PI4KB: variants seen among roughly 807,000 people sequenced by gnomAD.
PI4KB encodes PtdIns 4-kinase beta.
A neutral mutation model predicts 81.4 loss-of-function variants in PI4KB; 23 were observed. That is an observed-to-expected ratio of 0.28 (90% CI 0.20 to 0.40). The LOEUF (loss-of-function observed/expected upper bound fraction) is 0.40, where lower values mean the gene tolerates loss of function less well. Among genes scored for constraint, PI4KB ranks in the 10% least tolerant of loss-of-function variants. The probability of loss-of-function intolerance (pLI) is 1.00; values close to 1 mark genes in which losing one functional copy is unlikely to be tolerated. For synonymous variants in PI4KB, 381 were observed against 406.8 expected, an observed-to-expected ratio of 0.94 and a Z score of 0.76; for missense variants, 651 against 1,036.6, an observed-to-expected ratio of 0.63 and a Z score of 5.11.
At chr1:151,295,356 G>A (rs913588083) in intron 9 of PI4KB, among the ~76,000 whole-genome samples, 3 of 152,224 alleles carry the variant, frequency 2.0e-5, no homozygotes, top group African/African-American at 7.2e-5. Context: ...AGGGACAAAA[G>A]GAGAACCTAG....
intron 5 of PI4KB, among the ~76,000 whole-genome samples, chr1:151,305,277 T>C (rs769330212): frequency 6.6e-6 from 1 of 152,130 alleles, no homozygotes; most frequent in African/African-American, 2.4e-5. Context: ...GCTGTGTTAA[T>C]AGCTCTACAC....
chr1:151,298,699 T>C, intron 9 of PI4KB, 109 bp downstream of exon 9: 4 of 1,189,856 alleles, frequency 3.4e-6, no homozygotes, highest in Non-Finnish European at 4.8e-6. Flanking sequence ...CATTGTTTCA[T>C]TTTTCACATC....
At position 151,316,120 on chromosome 1, in the gene PI4KB, TGCCGCC is replaced by T; in HGVS notation, c.356_361del (p.Arg119_Arg120del). The T allele has an allele frequency of 1.9e-6, 3 of 1,614,122 alleles. 1 individual carries two copies. The highest frequency in any genetic ancestry group is 2.5e-6 in the Non-Finnish European group (3 of 1,180,028). ...CCAAGACTGTTTAGCTGAGTTGTTC[TGCCGCC>T]GTCTTCTTGCTCCTTTGGCTGTGCC... On this transcript the variant is annotated inframe_deletion, in exon 2 of 12. Transcript: ENST00000368873.
At chr1:151,302,419 G>GGCCGGGCGCGGTGGCTCACGC in intron 6 of PI4KB, 121 bp from the exon 7 acceptor site, 1 of 684,874 alleles carries the variant, frequency 1.5e-6, no homozygotes, top group Non-Finnish European at 2.6e-6. Flanking sequence ...AGGAACCCAG[G>GGCCGGGCGCGGTGGCTCACGC]CTGAAAGGGA....
At position 151,302,262 on chromosome 1, in the gene PI4KB, T is replaced by C. The variant is rs1189828205; in HGVS notation, c.1557A>G (p.Thr519=). 12 of 1,614,184 alleles carry C rather than the reference T, an allele frequency of 7.4e-6. No individual in the cohort carries two copies. Among genetic ancestry groups the C allele is most frequent in the Non-Finnish European group, 1.0e-5 (12 of 1,180,018 alleles). ...GATCTTCTGGGTCTCGTTTGAAGGC[T>C]GTCGGGGTATGAGCCAGCTGTTCCG... ...RLSEQLAHTP[T]AFKRDPEDPS... Residue 519 remains threonine (T), a synonymous_variant, in exon 7 of 12, where the codon ACA becomes ACG. Transcript: ENST00000368873.
At chr1:151,298,729 A>G in intron 9 of PI4KB, 79 bp downstream of exon 9, 12 of 1,425,142 alleles carry the variant, frequency 8.4e-6, no homozygotes, top group South Asian at 1.2e-5. Flanking sequence ...GAGGGCAGTA[A>G]TAAGTAATTG....
chr1:151,307,401 G>A (rs1433659093), intron 4 of PI4KB, among the ~76,000 whole-genome samples, 173 bp downstream of exon 4: 2 of 152,156 alleles, frequency 1.3e-5, no homozygotes, highest in African/African-American at 4.8e-5. Flanking sequence ...ATACAGGGGG[G>A]CTCTCAAAAT....
chr1:151,326,750 T>C (rs1411858568), intron 1 of PI4KB, among the ~76,000 whole-genome samples: 1 of 151,252 alleles, frequency 6.6e-6, no homozygotes, highest in Non-Finnish European at 1.5e-5. Context: ...GCTGGGTAGG[T>C]GGGTGACAGT....
At chr1:151,312,186 G>A (rs1279700126) in intron 2 of PI4KB, among the ~76,000 whole-genome samples, 1 of 152,200 alleles carries the variant, frequency 6.6e-6, no homozygotes, top group African/African-American at 2.4e-5. Context: ...TGTGAGAGCT[G>A]AGCAGAGAAC....
chr1:151,317,933 C>T (rs182480890), intron 1 of PI4KB, among the ~76,000 whole-genome samples: 6 of 152,054 alleles, frequency 3.9e-5, no homozygotes, highest in Admixed American at 1.3e-4. Context: ...CTCAGCCTCC[C>T]GAGTAGCTAG....
chr1:151,306,056 T>C, intron 5 of PI4KB, 80 bp downstream of exon 5: 1 of 1,151,668 alleles, frequency 8.7e-7, no homozygotes, highest in South Asian at 1.3e-5. Context: ...CCTTGGGATA[T>C]GCTGTCTTGT....
intron 2 of PI4KB, among the ~76,000 whole-genome samples, chr1:151,313,671 G>T (rs1472613426): frequency 2.0e-5 from 3 of 152,200 alleles, no homozygotes; most frequent in Non-Finnish European, 4.4e-5. Context: ...ATGACCCAGG[G>T]CTCTGCTGCC....
intron 11 of PI4KB, 45 bp from the exon 12 acceptor site, chr1:151,293,078 G>A: frequency 2.5e-6 from 4 of 1,602,330 alleles, no homozygotes; most frequent in East Asian, 2.2e-5. Flanking sequence ...GGACGGGAGG[G>A]GCAGTGGTGT....
intron 5 of PI4KB, among the ~76,000 whole-genome samples, chr1:151,303,879 T>C (rs977626825): frequency 2.0e-5 from 3 of 152,148 alleles, no homozygotes; most frequent in African/African-American, 7.2e-5. Flanking sequence ...ACCATCAATC[T>C]GAATTATAAT....
At chr1:151,326,440 G>A in intron 1 of PI4KB, 1 of 439,084 alleles carries the variant, frequency 2.3e-6, no homozygotes, top group Non-Finnish European at 4.0e-6. Context: ...GGGAAAAACA[G>A]AACAAATGTC....
chr1:151,301,678 T>C (rs906647215), intron 8 of PI4KB, among the ~76,000 whole-genome samples, 166 bp downstream of exon 8: 1 of 151,086 alleles, frequency 6.6e-6, no homozygotes, highest in Non-Finnish European at 1.5e-5. Context: ...ATTACAGGCA[T>C]GAACCACCAC....
rs868579872 is a variant in PI4KB at position 151,292,745 on chromosome 1, G to A, written c.*107C>T. The A allele has an allele frequency of 4.1e-6, 4 of 971,908 alleles. No homozygotes were observed. The highest frequency in any genetic ancestry group is 6.1e-6 in the Non-Finnish European group (4 of 658,684). The allele number at this position is 971,908 out of a possible 1,614,324, so 60.2% of individuals were successfully genotyped here. A position where few individuals can be genotyped will look rare whatever the true frequency, so the allele number is the denominator to read the frequency against. On this transcript the variant is annotated 3_prime_UTR_variant, in exon 12 of 12. Transcript: ENST00000368873. ...GTGTTTCTTGCCTTCCATTTCCCTT[G>A]GGTGGATGGTTGGGTAGGTGGGGTT...
chr1:151,300,020 A>G (rs1231977864), intron 8 of PI4KB, among the ~76,000 whole-genome samples: 3 of 152,374 alleles, frequency 2.0e-5, no homozygotes, highest in South Asian at 2.1e-4. Context: ...AGTTTGGCAA[A>G]AACGGGCAAG....
chr1:151,293,033 C>G lies in PI4KB; in HGVS notation c.2270G>C (p.Gly757Ala). The G allele has an allele frequency of 6.2e-7, 1 of 1,613,802 alleles. No homozygotes were observed. The highest frequency in any genetic ancestry group is 8.5e-7 in the Non-Finnish European group (1 of 1,179,774). The change falls in exon 12 of 12, where the codon GGT becomes GCT. Residue 757 changes from glycine to alanine, a missense_variant and splice_region_variant. Gly to Ala is a moderately conservative substitution (Grantham distance 60). This residue lies in a region of PI4KB where 70 missense variants were observed against 108.1 expected (regional missense o/e 0.65). Transcript: ENST00000368873. ...GCCATGGAAGCAAGGAAGCTGAGAA[C>G]CTGGGGGAAGCAGTCGGAGTTCAGG... The part of the protein sequence containing the change: ...VVQIVEIMQQ[G>A]SQLPCFHGSS...
Sources: gnomAD v4.1 joint callset for allele counts (sites outside exome capture counted in the v4.1 genomes callset) on GRCh38, gnomAD v4.1.1 for gene constraint, gnomAD v4.1.1 regional missense constraint, MANE v1.5 for transcripts, NCBI Gene and HGNC (gene_info 2026-07-23, HGNC 2026-07-21) for gene names.